Variants in PDE3B observed in about 807,000 individuals in gnomAD.
PDE3B encodes cGMP-inhibited 3',5'-cyclic phosphodiesterase 3B.
Under a neutral mutation model 116.8 loss-of-function variants are expected in PDE3B, and 66 were observed. The ratio of observed to expected loss-of-function variants is 0.56; its 90% CI spans 0.46 to 0.69. The LOEUF (loss-of-function observed/expected upper bound fraction) is 0.69, where lower values mean the gene tolerates loss of function less well. Among genes scored for constraint, PDE3B ranks in the 30% least tolerant of loss-of-function variants. The pLI, the probability that PDE3B is intolerant of heterozygous loss-of-function variation, is 0.00. For synonymous variants in PDE3B, 595 were observed against 533.6 expected, an observed-to-expected ratio of 1.12 and a Z score of -1.59; for missense variants, 1,384 against 1,368.1, an observed-to-expected ratio of 1.01 and a Z score of -0.18.
downstream of PDE3B, among the ~76,000 whole-genome samples, chr11:14,873,461 AAGAT>A (rs1214068435): frequency 3.3e-5 from 5 of 152,218 alleles, no homozygotes; most frequent in African/African-American, 9.6e-5. Context: ...GTTATGGTTT[AAGAT>A]AGATAGAGTT....
the PDE3B span, chr11:14,880,215 G>A: frequency 6.2e-7 from 1 of 1,613,032 alleles, no homozygotes; most frequent in South Asian, 1.1e-5. Context: ...CAGCAATGAT[G>A]AGTTCACCCA....
chr11:14,880,139 GAAT>G, the PDE3B span: 1 of 1,612,484 alleles, frequency 6.2e-7, no homozygotes, highest in South Asian at 1.1e-5. Flanking sequence ...TCCTCACCTT[GAAT>G]ATTAGGATAA....
intron 1 of PDE3B, among the ~76,000 whole-genome samples, chr11:14,741,797 C>A (rs1470476459): frequency 6.6e-6 from 1 of 152,138 alleles, no homozygotes; most frequent in Non-Finnish European, 1.5e-5. Flanking sequence ...ATGACAAAAT[C>A]TCTCAGCATT....
At chr11:14,857,708 C>T (rs997011907) in intron 12 of PDE3B, among the ~76,000 whole-genome samples, 2 of 152,072 alleles carry the variant, frequency 1.3e-5, no homozygotes, top group Admixed American at 6.6e-5. Context: ...GAAAGAATTC[C>T]GAACTTGCTC....
At chr11:14,840,695 T>G (rs767420321) in intron 11 of PDE3B, among the ~76,000 whole-genome samples, 1 of 152,160 alleles carries the variant, frequency 6.6e-6, no homozygotes, top group Non-Finnish European at 1.5e-5. Context: ...CTCAAAGGTA[T>G]CTTTTGAAAG....
intron 5 of PDE3B, among the ~76,000 whole-genome samples, chr11:14,806,858 C>CAAAAA (rs953411145): frequency 2.2e-4 from 10 of 45,878 alleles, no homozygotes; most frequent in East Asian, 7.5e-4. Context: ...GACTCCGTCT[C>CAAAAA]AAAAAAAAAA....
chr11:14,839,458 A>C (rs1303615714), intron 11 of PDE3B, among the ~76,000 whole-genome samples: 1 of 152,260 alleles, frequency 6.6e-6, no homozygotes. Flanking sequence ...GCTTTTACAC[A>C]GGATAAGTAG....
At chr11:14,674,628 T>C (rs750172324) in intron 1 of PDE3B, 3 of 302,164 alleles carry the variant, frequency 9.9e-6, no homozygotes, top group Non-Finnish European at 2.0e-5. Context: ...GATTTTCAGC[T>C]AACAATCTTC....
intron 1 of PDE3B, among the ~76,000 whole-genome samples, chr11:14,714,688 C>T (rs1198413127): frequency 6.6e-6 from 1 of 152,110 alleles, no homozygotes; most frequent in Non-Finnish European, 1.5e-5. Flanking sequence ...AGGACTTTCT[C>T]CAGTGTCCAG....
chr11:14,806,858 CAAAAAAAAAAAAAAAAAA>C (rs953411145), intron 5 of PDE3B, among the ~76,000 whole-genome samples: 2 of 45,930 alleles, frequency 4.4e-5, no homozygotes, highest in Non-Finnish European at 4.0e-5. Context: ...GACTCCGTCT[CAAAAAAAAAAAAAAAAAA>C]AAAAGAAAAA....
intron 5 of PDE3B, among the ~76,000 whole-genome samples, chr11:14,816,351 A>G (rs1447922075): frequency 2.0e-5 from 3 of 152,240 alleles, no homozygotes; most frequent in East Asian, 3.8e-4. Flanking sequence ...GTTTACCACT[A>G]TGCCTGAAAA....
chr11:14,703,772 G>T lies in PDE3B; in HGVS notation c.978+58719G>T, dbSNP rs201745580. Among the ~76,000 whole-genome samples the T allele has an allele frequency of 4.0e-5, 6 of 149,822 alleles. No homozygotes were observed. The East Asian group carries it at 1.2e-3, about 29-fold the overall frequency. On this transcript the variant is annotated intron_variant, in intron 1 of 15. Transcript: ENST00000282096. Reference sequence around the variant, plus strand: ...CTACCCAGTTTAGGCCCGGTTGTTTGTGTGTGTGTGTGTGTGTGAGACATT... The same window carrying T: ...CTACCCAGTTTAGGCCCGGTTGTTTTTGTGTGTGTGTGTGTGTGAGACATT...
chr11:14,683,731 T>C (rs568181246), intron 1 of PDE3B, among the ~76,000 whole-genome samples: 1 of 152,076 alleles, frequency 6.6e-6, no homozygotes, highest in South Asian at 2.1e-4. Context: ...TTTGTTCTTC[T>C]TTTCCTAATT....
At chr11:14,757,738 TC>T (rs1387226156) in intron 1 of PDE3B, among the ~76,000 whole-genome samples, 1 of 148,620 alleles carries the variant, frequency 6.7e-6, no homozygotes, top group African/African-American at 2.5e-5. Context: ...GAAAATTTTC[TC>T]CCATTTTGTA....
At chr11:14,691,530 A>G (rs1294530259) in intron 1 of PDE3B, among the ~76,000 whole-genome samples, 1 of 152,194 alleles carries the variant, frequency 6.6e-6, no homozygotes, top group East Asian at 1.9e-4. Flanking sequence ...GGAAAAAGGT[A>G]CAGAATTGTC....
intron 7 of PDE3B, among the ~76,000 whole-genome samples, chr11:14,826,848 G>T (rs758078965): frequency 6.6e-6 from 1 of 151,988 alleles, no homozygotes; most frequent in Admixed American, 6.6e-5. Context: ...ATACCAAAAC[G>T]TAGCAGAGAC....
intron 1 of PDE3B, among the ~76,000 whole-genome samples, chr11:14,668,850 G>C (rs1055334632): frequency 1.5e-5 from 2 of 135,708 alleles, no homozygotes; most frequent in African/African-American, 5.6e-5. Context: ...AAAAGCCAGC[G>C]ATCCAACCAG....
In PDE3B at chr11:14,861,204, G is replaced by A; in HGVS notation, c.2725-1G>A. 1 of 1,602,938 alleles carries A rather than the reference G, an allele frequency of 6.2e-7. No individual in the cohort carries two copies. The highest frequency in any genetic ancestry group is 8.5e-7 in the Non-Finnish European group (1 of 1,173,028). On this transcript the variant is annotated splice_acceptor_variant, in intron 13 of 15. Transcript: ENST00000282096. LOFTEE classifies it high-confidence loss of function. ...AAAATGATGTTGTTTTTCCAAAATA[G>A]GCAAATGATGTAAATAGTAATGGCA... is the stretch of plus-strand genomic sequence containing the variant.
chr11:14,687,191 A>C (rs1854903453), intron 1 of PDE3B, among the ~76,000 whole-genome samples: 1 of 152,200 alleles, frequency 6.6e-6, no homozygotes, highest in Non-Finnish European at 1.5e-5. Context: ...GATAATAGAC[A>C]TTTAGAATGC....
Sources: gnomAD v4.1 joint callset for allele counts (sites outside exome capture counted in the v4.1 genomes callset) on GRCh38, gnomAD v4.1.1 for gene constraint, MANE v1.5 for transcripts, NCBI Gene and HGNC (gene_info 2026-07-23, HGNC 2026-07-21) for gene names.